KIZ: variants seen among roughly 807,000 people sequenced by gnomAD.
KIZ encodes kizuna centrosomal protein.
KIZ carries 68 observed loss-of-function variants against 79.6 expected under a neutral mutation model. That is an observed-to-expected ratio of 0.85 (90% CI 0.70 to 1.05). KIZ has a LOEUF of 1.05. Ranked by LOEUF, KIZ falls within the 50% of genes least tolerant of loss-of-function variation. The probability of loss-of-function intolerance (pLI) is 0.00; values close to 1 mark genes in which losing one functional copy is unlikely to be tolerated. For synonymous variants in KIZ, 280 were observed against 281.8 expected (o/e 0.99, Z 0.06); for missense variants, 797 against 800.4 (o/e 1.00, Z 0.05).
chr20:21,136,464 G>C lies in KIZ; in HGVS notation c.227G>C (p.Arg76Pro). 2 of 1,588,862 alleles carry C rather than the reference G, an allele frequency of 1.3e-6. No individual in the cohort carries two copies. The highest frequency in any genetic ancestry group is 1.7e-6 in the Non-Finnish European group (2 of 1,163,828). ...GAATCTGAAAAGAAGGCTCATACTC[G>C]AAACCAAGAATATTTAAAGCGATTT... ...ICESEKKAHTRNQEYLKRFER... is the reference protein window; with the variant it reads ...ICESEKKAHTPNQEYLKRFER... Residue 76 changes from arginine (R) to proline (P), a missense_variant, in exon 3 of 13, where the codon CGA becomes CCA. By Grantham distance (103) the Arg-to-Pro change is moderately radical (BLOSUM62 -2). Transcript: ENST00000619189.
intron 4 of KIZ, among the ~76,000 whole-genome samples, chr20:21,157,013 A>G (rs1318718017): frequency 6.6e-6 from 1 of 152,178 alleles, no homozygotes; most frequent in Non-Finnish European, 1.5e-5. Context: ...AGTCCCAGCT[A>G]CTTGGGAGAC....
In KIZ at chr20:21,162,222, G is replaced by T; in HGVS notation, c.757G>T (p.Glu253Ter). 6.2e-7 allele frequency: 1 copy of T among 1,613,848 alleles called. No individual in the cohort carries two copies. The highest frequency in any genetic ancestry group is 8.5e-7 in the Non-Finnish European group (1 of 1,179,852). ...TGAGGAGGAACAAACTCATTGCTTG[G>T]AGATAGGAAGTAACACACGTCATGG... ...LSEEEQTHCLEIGSNTRHGKS... is the reference protein window; with the variant it reads ...LSEEEQTHCL The change falls in exon 5 of 13, where the codon GAG becomes TAG. Residue 253 changes from glutamate (E) to a stop codon, truncating the protein, a stop_gained. Transcript: ENST00000619189. LOFTEE classifies it high-confidence loss of function.
At chr20:21,206,448 T>C (rs1297224098) in intron 7 of KIZ, among the ~76,000 whole-genome samples, 2 of 151,966 alleles carry the variant, frequency 1.3e-5, no homozygotes, top group Non-Finnish European at 1.5e-5. Context: ...CTTTAAAAGA[T>C]AGGCTTTTGA....
At chr20:21,151,077 A>G (rs1027274517) in intron 4 of KIZ, 1 of 152,200 alleles carries the variant, frequency 6.6e-6, no homozygotes, top group Non-Finnish European at 1.5e-5. Context: ...GGTTACAGCA[A>G]CCTTACAAAA....
Position 21,162,434 on chromosome 20 carries a change from A to G in KIZ, c.969A>G (p.Ile323Met). ...GAGCCAGCCCGCCAGTCTCTCCGAT[A>G]CCAGTTTCAGAATACTGTGAATCTG... The part of the protein sequence containing the change: ...EKRASPPVSP[I>M]PVSEYCESEN... Residue 323 changes from isoleucine (I) to methionine (M), a missense_variant, in exon 5 of 13, where the codon ATA becomes ATG. Physicochemically the swap from Ile to Met is conservative, Grantham distance 10. Coordinates refer to ENST00000619189, the MANE Select transcript of KIZ (RefSeq NM_018474.6). The G allele has an allele frequency of 1.9e-6, 3 of 1,613,014 alleles. No homozygotes were observed. The highest frequency in any genetic ancestry group is 2.5e-6 in the Non-Finnish European group (3 of 1,179,066).
Position 21,162,906 on chromosome 20 carries a change from G to C in KIZ, c.1099G>C (p.Glu367Gln). ...SQKPFRKMQE[E>Q]EEESWSTSSD... is the part of the protein sequence containing the mutation. ...AAAGCCCTTCAGAAAAATGCAGGAA[G>C]AGGAGGAGGAAAGTTGGAGCACCAG... Residue 367 changes from glutamate to glutamine, a missense_variant, in exon 6 of 13, where the codon GAG becomes CAG. Coordinates refer to ENST00000619189, the MANE Select transcript of KIZ (RefSeq NM_018474.6). 1 of 1,613,588 alleles carries C rather than the reference G, an allele frequency of 6.2e-7. No individual in the cohort carries two copies. Among genetic ancestry groups the C allele is most frequent in the Middle Eastern group, 1.7e-4 (1 of 6,060 alleles).
chr20:21,189,673 AC>A (rs2035031224), intron 6 of KIZ, among the ~76,000 whole-genome samples: 1 of 152,210 alleles, frequency 6.6e-6, no homozygotes, highest in Non-Finnish European at 1.5e-5. Flanking sequence ...AATGAAGAGG[AC>A]CTTAGTACAG....
At chr20:21,151,686 A>G (rs1471273813) in intron 4 of KIZ, 3 of 152,186 alleles carry the variant, frequency 2.0e-5, no homozygotes, top group Non-Finnish European at 2.9e-5. Flanking sequence ...ATACTGTATT[A>G]TTAGAAAAAG....
chr20:21,126,221 G>A lies in KIZ; in HGVS notation c.89+17G>A. The A allele has an allele frequency of 7.2e-7, 1 of 1,398,012 alleles. No individual in the cohort carries two copies. The highest frequency in any genetic ancestry group is 9.4e-7 in the Non-Finnish European group (1 of 1,064,334). The allele number at this position is 1,398,012 out of a possible 1,614,324, so 86.6% of individuals were successfully genotyped here. A position where few individuals can be genotyped will look rare whatever the true frequency, so the allele number is the denominator to read the frequency against. On this transcript the variant is annotated intron_variant, in intron 1 of 12. Transcript: ENST00000619189. ...GCGGGACAGGTAAGGGCACTGGGGCGGGGGTGGGGAGTCGGCCCGCGCCGG... is the reference window on the plus strand; with the variant it reads ...GCGGGACAGGTAAGGGCACTGGGGCAGGGGTGGGGAGTCGGCCCGCGCCGG...
intron 12 of KIZ, chr20:21,245,143 T>C (rs2037346775): frequency 3.9e-5 from 6 of 152,226 alleles, no homozygotes; most frequent in Admixed American, 3.9e-4. Flanking sequence ...TTAATAGTTT[T>C]ACTGACAATA....
intron 6 of KIZ, among the ~76,000 whole-genome samples, chr20:21,170,820 A>G (rs138909047): frequency 0.02 from 3,047 of 152,212 alleles, 102 homozygotes; most frequent in African/African-American, 0.068. Flanking sequence ...CTCTGTCTCC[A>G]TGAGTTCAAT....
intron 9 of KIZ, among the ~76,000 whole-genome samples, chr20:21,224,275 G>A (rs2036594013): frequency 6.6e-6 from 1 of 152,256 alleles, no homozygotes; most frequent in Non-Finnish European, 1.5e-5. Context: ...CACCCCGCCC[G>A]GCCCTTATTT....
At chr20:21,126,310 C>G in intron 1 of KIZ, 106 bp downstream of exon 1, 11 of 748,208 alleles carry the variant, frequency 1.5e-5, no homozygotes, top group Non-Finnish European at 2.2e-5. Context: ...CCCCGGGGCC[C>G]AGGCCCGCGC....
intron 4 of KIZ, chr20:21,151,868 T>C (rs2033136546): frequency 6.6e-6 from 1 of 152,196 alleles, no homozygotes. Context: ...AAAAATATAG[T>C]CTGCGTGTTG....
At chr20:21,126,432 T>C (rs1327592576) in intron 1 of KIZ, among the ~76,000 whole-genome samples, 1 of 151,976 alleles carries the variant, frequency 6.6e-6, no homozygotes, top group South Asian at 2.1e-4. Flanking sequence ...GCCCCGTCAA[T>C]AGCAGCTAAA....
intron 10 of KIZ, among the ~76,000 whole-genome samples, chr20:21,232,023 C>T (rs2036850913): frequency 6.6e-6 from 1 of 152,208 alleles, no homozygotes; most frequent in African/African-American, 2.4e-5. Context: ...AGAAACTCAG[C>T]AAATGCTTTT....
intron 6 of KIZ, among the ~76,000 whole-genome samples, chr20:21,204,937 T>A (rs756418801): frequency 6.6e-6 from 1 of 152,184 alleles, no homozygotes; most frequent in Non-Finnish European, 1.5e-5. Context: ...TATGCAGTGA[T>A]TCAAAACCAT....
At chr20:21,128,531 C>A (rs750233724) in intron 1 of KIZ, among the ~76,000 whole-genome samples, 1 of 152,170 alleles carries the variant, frequency 6.6e-6, no homozygotes, top group Non-Finnish European at 1.5e-5. Flanking sequence ...GTCAAATAAC[C>A]AGCATATTTC....
At chr20:21,222,177 A>G (rs4813418) in intron 9 of KIZ, among the ~76,000 whole-genome samples, 87,932 of 152,166 alleles carry the variant, frequency 0.58, 27,228 homozygotes, top group South Asian at 0.78. Context: ...TAACATGGTC[A>G]TTAAAGGATA....
Sources: gnomAD v4.1 joint callset for allele counts (sites outside exome capture counted in the v4.1 genomes callset) on GRCh38, gnomAD v4.1.1 for gene constraint, MANE v1.5 for transcripts, NCBI Gene and HGNC (gene_info 2026-07-23, HGNC 2026-07-21) for gene names.